The following E2F3 variants were observed in gnomAD, a reference collection of about 807,000 sequenced individuals.
E2F3 encodes transcription factor E2F3.
Under a neutral mutation model 44.4 loss-of-function variants are expected in E2F3, and 11 were observed. The observed-to-expected ratio is 0.25, with a 90% CI of 0.16 to 0.41. The LOEUF is 0.41. E2F3 is among the 10% of genes least tolerant of loss of function. The pLI is 1.00. For synonymous variants in E2F3, 249 were observed against 253.0 expected (o/e 0.98, Z 0.15); for missense variants, 487 against 583.6 (o/e 0.83, Z 1.70).
chr6:20,426,546 T>C (rs1760221767), intron 1 of E2F3, among the ~76,000 whole-genome samples: 1 of 41,942 alleles, frequency 2.4e-5, no homozygotes, highest in Non-Finnish European at 9.6e-5. Flanking sequence ...GGCTGAAATA[T>C]CTTATTCCAT....
chr6:20,437,378 T>G (rs559552294), intron 1 of E2F3, among the ~76,000 whole-genome samples: 20 of 152,286 alleles, frequency 1.3e-4, no homozygotes, highest in Non-Finnish European at 2.6e-4. Context: ...AGCATCAAAA[T>G]TGGCGGGTGC....
intron 1 of E2F3, among the ~76,000 whole-genome samples, chr6:20,424,873 A>G (rs1760160467): frequency 6.6e-6 from 1 of 152,172 alleles, no homozygotes; most frequent in Non-Finnish European, 1.5e-5. Flanking sequence ...GCATTTCTGG[A>G]CATTGGCAGA....
intron 1 of E2F3, among the ~76,000 whole-genome samples, chr6:20,415,021 C>A (rs868215281): frequency 2.6e-5 from 4 of 152,136 alleles, no homozygotes; most frequent in African/African-American, 7.2e-5. Context: ...GTTGCCTCCC[C>A]CCGCCACTCC....
At chr6:20,462,539 C>A (rs1761546493) in intron 1 of E2F3, among the ~76,000 whole-genome samples, 1 of 151,350 alleles carries the variant, frequency 6.6e-6, no homozygotes, top group African/African-American at 2.4e-5. Flanking sequence ...CTCACTGCAA[C>A]CTCCATCTCC....
chr6:20,425,977 G>A (rs1337883275), intron 1 of E2F3, among the ~76,000 whole-genome samples: 1 of 152,216 alleles, frequency 6.6e-6, no homozygotes, highest in Admixed American at 6.5e-5. Flanking sequence ...CAGAAGTCCT[G>A]TTGAGCTCCC....
At chr6:20,484,527 T>G (rs1561886410) in intron 4 of E2F3, among the ~76,000 whole-genome samples, 1 of 152,222 alleles carries the variant, frequency 6.6e-6, no homozygotes, top group Non-Finnish European at 1.5e-5. Flanking sequence ...TTGTCAGTTT[T>G]TTCCAGTGTT....
At chr6:20,449,799 A>G (rs1175898104) in intron 1 of E2F3, among the ~76,000 whole-genome samples, 2 of 152,008 alleles carry the variant, frequency 1.3e-5, no homozygotes. Context: ...GGTAGGCCCC[A>G]CTGTCTGTTC....
intron 1 of E2F3, among the ~76,000 whole-genome samples, chr6:20,449,746 A>G (rs1761065000): frequency 6.6e-6 from 1 of 151,914 alleles, no homozygotes; most frequent in African/African-American, 2.4e-5. Context: ...CCCATTAGTT[A>G]TTTTTCCTGA....
intron 1 of E2F3, among the ~76,000 whole-genome samples, chr6:20,427,817 T>C (rs1760265392): frequency 6.6e-6 from 1 of 152,220 alleles, no homozygotes; most frequent in East Asian, 1.9e-4. Flanking sequence ...TATTTACATT[T>C]GCATCTCTGA....
chr6:20,412,079 G>A (rs532669630), intron 1 of E2F3, among the ~76,000 whole-genome samples: 24 of 152,324 alleles, frequency 1.6e-4, no homozygotes, highest in Admixed American at 1.4e-3. Flanking sequence ...ACAGTCTGTT[G>A]AGGAGACAAG....
Position 20,490,510 on chromosome 6 carries a change from C to T in E2F3, c.*80C>T. 7.4e-7 allele frequency: 1 copy of T among 1,359,916 alleles called. No homozygotes were observed. The highest frequency in any genetic ancestry group is 9.9e-7 in the Non-Finnish European group (1 of 1,013,330). The allele number at this position is 1,359,916 out of a possible 1,614,324, so 84.2% of individuals were successfully genotyped here. A position where few individuals can be genotyped will look rare whatever the true frequency, so the allele number is the denominator to read the frequency against. Reference sequence around the variant, plus strand: ...GAACATCTGTCATGCAGTGTTGTCCCTTCCTACCTTCTTCCTCCAAGAGAG... The same window carrying T: ...GAACATCTGTCATGCAGTGTTGTCCTTTCCTACCTTCTTCCTCCAAGAGAG... On this transcript the variant is annotated 3_prime_UTR_variant, in exon 7 of 7. Coordinates refer to ENST00000346618, the MANE Select transcript of E2F3 (RefSeq NM_001949.5). The surrounding 1 kb of genome is among the most constrained non-coding windows in gnomAD (Gnocchi z 4.3).
intron 2 of E2F3, among the ~76,000 whole-genome samples, chr6:20,480,845 G>A (rs1295027474): frequency 1.3e-5 from 2 of 152,150 alleles, no homozygotes; most frequent in African/African-American, 4.8e-5. Flanking sequence ...GGCCTCGTGT[G>A]TGCTGGTCCC....
chr6:20,414,123 C>T (rs1397024784), intron 1 of E2F3, among the ~76,000 whole-genome samples: 1 of 152,188 alleles, frequency 6.6e-6, no homozygotes, highest in East Asian at 1.9e-4. Flanking sequence ...TGAACAATAG[C>T]AGGCCAAGAC....
At chr6:20,419,328 C>G (rs1393442263) in intron 1 of E2F3, among the ~76,000 whole-genome samples, 1 of 152,076 alleles carries the variant, frequency 6.6e-6, no homozygotes, top group Non-Finnish European at 1.5e-5. Flanking sequence ...GGCTGCATTT[C>G]TAAGCGTTGA....
chr6:20,449,501 T>G (rs1201128669), intron 1 of E2F3, among the ~76,000 whole-genome samples: 1 of 152,198 alleles, frequency 6.6e-6, no homozygotes, highest in East Asian at 1.9e-4. Flanking sequence ...TGAATAACCT[T>G]GTATATCACT....
At chr6:20,465,851 A>G (rs1241575361) in intron 1 of E2F3, among the ~76,000 whole-genome samples, 1 of 152,054 alleles carries the variant, frequency 6.6e-6, no homozygotes, top group Non-Finnish European at 1.5e-5. Context: ...TTGTTGATTG[A>G]TGGGCATTTG....
At chr6:20,419,056 T>A (rs542809168) in intron 1 of E2F3, among the ~76,000 whole-genome samples, 1 of 152,288 alleles carries the variant, frequency 6.6e-6, no homozygotes, top group African/African-American at 2.4e-5. Flanking sequence ...TAAAAATGAT[T>A]CAAAAATACA....
intron 1 of E2F3, among the ~76,000 whole-genome samples, chr6:20,430,658 A>C (rs948859312): frequency 1.3e-5 from 2 of 152,168 alleles, no homozygotes; most frequent in African/African-American, 4.8e-5. Flanking sequence ...TGGCTTCTAG[A>C]GATTACCTAG....
Position 20,402,766 on chromosome 6 carries a change from G to T in E2F3, c.393+141G>T, listed in dbSNP as rs1759350647. 1 of 1,246,632 alleles carries T rather than the reference G, an allele frequency of 8.0e-7. No individual in the cohort carries two copies. Among genetic ancestry groups the T allele is most frequent in the African/African-American group, 1.6e-5 (1 of 64,004 alleles). 77.2% of individuals were successfully genotyped at this position (1,246,632 alleles called of 1,614,324 possible). A position where few individuals can be genotyped will look rare whatever the true frequency, so the allele number is the denominator to read the frequency against. On this transcript the variant is annotated intron_variant, in intron 1 of 6. Transcript: ENST00000346618. This position sits in a 1 kb window ranked among gnomAD's most constrained non-coding sequence, Gnocchi z 5.6. The stretch of plus-strand genomic sequence containing the variant: ...CCTCGGGGGCTGCCCCTCCAACGAG[G>T]GTTCATTGTTAGACCTGAGTGCTCT...
Sources: gnomAD v4.1 joint callset for allele counts (sites outside exome capture counted in the v4.1 genomes callset) on GRCh38, gnomAD v4.1.1 for gene constraint, Gnocchi (gnomAD v3.1) non-coding constraint, MANE v1.5 for transcripts, NCBI Gene and HGNC (gene_info 2026-07-23, HGNC 2026-07-21) for gene names.